XPO4: variants seen among roughly 807,000 people sequenced by gnomAD.
The protein encoded by XPO4 is exportin 4, also known as exportin-4.
Under a neutral mutation model 143.0 loss-of-function variants are expected in XPO4, and 39 were observed. The ratio of observed to expected loss-of-function variants is 0.27; its 90% CI spans 0.21 to 0.36. The LOEUF is 0.36. Among genes scored for constraint, XPO4 ranks in the 10% least tolerant of loss-of-function variants. XPO4 has a pLI of 1.00. For synonymous variants in XPO4, 439 were observed against 474.0 expected (o/e 0.93, Z 0.96); for missense variants, 907 against 1,348.0 (o/e 0.67, Z 5.12).
rs1026886098 is a variant in XPO4, at chr13:20,902,358, C to A, written c.69+312G>T. On this transcript the variant is annotated intron_variant, in intron 1 of 22. Coordinates refer to ENST00000255305, the MANE Select transcript of XPO4 (RefSeq NM_022459.5). The stretch of plus-strand genomic sequence containing the variant: ...GGATAACCCCAACTCCTTCCCGGCG[C>A]CTTGCTCTGCGACCCAGTCTGTGGG... 3.0e-6 allele frequency: 3 copies of A among 985,330 alleles called. No homozygotes were observed. The African/African-American group carries it at 5.2e-5, about 17-fold the overall frequency. The allele number at this position is 985,330 out of a possible 1,614,324, so 61.0% of individuals were successfully genotyped here. A position where few individuals can be genotyped will look rare whatever the true frequency, so the allele number is the denominator to read the frequency against.
rs181336092 is a variant in XPO4, at chr13:20,839,036, G to A, written c.727+3859C>T. ...CCCAGCACTTTGGGAGGTCGAGGCA[G>A]GCAGATCACTTGAGGACAGGAATTC... On this transcript the variant is annotated intron_variant, in intron 6 of 22. Transcript: ENST00000255305. 7.8e-4 allele frequency among the ~76,000 whole-genome samples: 119 copies of A among 152,258 alleles called. 1 individual carries two copies. The highest frequency in any genetic ancestry group is 2.8e-3 in the African/African-American group (118 of 41,550).
rs770694458 is a variant in XPO4, at chr13:20,783,264, G to T, written c.*458C>A. 5.8e-6 allele frequency: 1 copy of T among 173,802 alleles called. No individual in the cohort carries two copies. Among genetic ancestry groups the T allele is most frequent in the African/African-American group, 2.4e-5 (1 of 41,650 alleles). The allele number at this position is 173,802 out of a possible 1,614,324, so 10.8% of individuals were successfully genotyped here. On this transcript the variant is annotated 3_prime_UTR_variant, in exon 23 of 23. Transcript: ENST00000255305. ...TCTGACTCTGAAGGTCTACAGTTGG[G>T]CCTAAGAATCTGCCTTTTCACCAGC...
At chr13:20,858,329 T>C (rs2060164011) in intron 3 of XPO4, among the ~76,000 whole-genome samples, 1 of 152,212 alleles carries the variant, frequency 6.6e-6, no homozygotes, top group South Asian at 2.1e-4. Context: ...AATATGCCAA[T>C]TATATCAAGA....
chr13:20,886,105 T>G (rs35548666), intron 1 of XPO4, among the ~76,000 whole-genome samples: 5,490 of 152,296 alleles, frequency 0.036, 216 homozygotes, highest in African/African-American at 0.094. Flanking sequence ...ACATTGCACC[T>G]TTAAGTGAAT....
intron 13 of XPO4, among the ~76,000 whole-genome samples, chr13:20,804,114 A>T (rs1664463658): frequency 6.7e-6 from 1 of 149,276 alleles, no homozygotes; most frequent in South Asian, 2.1e-4. Flanking sequence ...CTTTTTTATC[A>T]TATATATACA....
intron 1 of XPO4, chr13:20,869,349 C>A (rs958359671): frequency 4.6e-6 from 1 of 216,246 alleles, no homozygotes; most frequent in African/African-American, 2.3e-5. Flanking sequence ...TGTTAACAAT[C>A]GTTCTTCTAA....
At chr13:20,891,238 C>G (rs958010644) in intron 1 of XPO4, among the ~76,000 whole-genome samples, 1 of 151,254 alleles carries the variant, frequency 6.6e-6, no homozygotes, top group Non-Finnish European at 1.5e-5. Context: ...GTTACAAGAG[C>G]TCAAGACGAA....
At chr13:20,859,940 G>T in intron 3 of XPO4, 4 of 711,660 alleles carry the variant, frequency 5.6e-6, no homozygotes, top group Non-Finnish European at 6.9e-6. Context: ...GGGGAATGGC[G>T]ACAAGGGGGA....
At position 20,787,478 on chromosome 13, in the gene XPO4, T is replaced by C. The variant is rs751160199; in HGVS notation, c.3165+3A>G. ...TTTCTGACCTACCGCACAGACATCT[T>C]ACCTTAAGAAAGTGCCGTGTTGCTA... is the stretch of plus-strand genomic sequence containing the variant. On this transcript the variant is annotated splice_donor_region_variant and intron_variant, in intron 21 of 22. Transcript: ENST00000255305. 1 of 1,613,878 alleles carries C rather than the reference T, an allele frequency of 6.2e-7. No homozygotes were observed. The highest frequency in any genetic ancestry group is 1.1e-5 in the South Asian group (1 of 91,082).
chr13:20,791,555 G>T (rs1344153208), intron 18 of XPO4, among the ~76,000 whole-genome samples: 1 of 152,100 alleles, frequency 6.6e-6, no homozygotes, highest in African/African-American at 2.4e-5. Flanking sequence ...AATGACAAGG[G>T]AAAGGTTAAC....
intron 10 of XPO4, 124 bp from the exon 11 acceptor site, chr13:20,809,349 C>A: frequency 8.1e-7 from 1 of 1,234,402 alleles, no homozygotes; most frequent in African/African-American, 1.5e-5. Context: ...GGGACACAGC[C>A]GACCTTTGAG....
intron 6 of XPO4, among the ~76,000 whole-genome samples, chr13:20,837,838 C>G (rs976592945): frequency 2.6e-5 from 4 of 152,186 alleles, no homozygotes; most frequent in Non-Finnish European, 2.9e-5. Flanking sequence ...TTCACTACCA[C>G]GAGAACAGTA....
chr13:20,888,175 C>CAAAAAAAAA (rs60114182), intron 1 of XPO4, among the ~76,000 whole-genome samples: 1 of 90,584 alleles, frequency 1.1e-5, no homozygotes, highest in Non-Finnish European at 2.0e-5. Context: ...AACTCCATCT[C>CAAAAAAAAA]AAAAAAAAAA....
chr13:20,856,832 T>G (rs1382132016), intron 3 of XPO4: 1 of 985,074 alleles, frequency 1.0e-6, no homozygotes, highest in Non-Finnish European at 1.2e-6. Context: ...CTATTCCCTC[T>G]CCCAAGATTA....
At chr13:20,817,306 GA>G (rs1381778822) in intron 9 of XPO4, among the ~76,000 whole-genome samples, 3 of 152,184 alleles carry the variant, frequency 2.0e-5, no homozygotes, top group Non-Finnish European at 2.9e-5. Context: ...ACAAGCCAGA[GA>G]AATTAAATTC....
At chr13:20,787,680 G>T in intron 20 of XPO4, 82 bp from the exon 21 acceptor site, 1 of 1,117,442 alleles carries the variant, frequency 8.9e-7, no homozygotes, top group Non-Finnish European at 1.3e-6. Context: ...AGTATTAAAT[G>T]GATGAGTGTT....
At chr13:20,837,058 T>C (rs2059924398) in intron 6 of XPO4, among the ~76,000 whole-genome samples, 2 of 152,196 alleles carry the variant, frequency 1.3e-5, no homozygotes, top group East Asian at 3.9e-4. Context: ...ATTTTATTTA[T>C]CCATTCATCA....
intron 1 of XPO4, among the ~76,000 whole-genome samples, chr13:20,901,671 A>T (rs1049613665): frequency 2.0e-5 from 3 of 152,238 alleles, no homozygotes; most frequent in Non-Finnish European, 2.9e-5. Flanking sequence ...AAACTACGCT[A>T]GAATTAGTTC....
intron 6 of XPO4, among the ~76,000 whole-genome samples, chr13:20,839,920 T>C (rs1246355051): frequency 6.6e-6 from 1 of 151,972 alleles, no homozygotes; most frequent in Non-Finnish European, 1.5e-5. Context: ...GAGGCAGAGG[T>C]TGCAGTGAAC....
Sources: gnomAD v4.1 joint callset for allele counts (sites outside exome capture counted in the v4.1 genomes callset) on GRCh38, gnomAD v4.1.1 for gene constraint, MANE v1.5 for transcripts, NCBI Gene and HGNC (gene_info 2026-07-23, HGNC 2026-07-21) for gene names.